Variants in NRF1 observed in about 807,000 individuals in gnomAD.
The protein encoded by NRF1 is alpha palindromic-binding protein.
A neutral mutation model predicts 58.5 loss-of-function variants in NRF1; 5 were observed. The ratio of observed to expected loss-of-function variants is 0.09; its 90% CI spans 0.04 to 0.18. NRF1 has a LOEUF of 0.18. Among genes scored for constraint, NRF1 ranks in the 10% least tolerant of loss-of-function variants. NRF1 has a pLI of 1.00. For missense variants in NRF1, 288 were observed against 657.7 expected (o/e 0.44, Z 6.15); for synonymous variants, 224 against 246.7 (o/e 0.91, Z 0.86).
At chr7:129,626,623 T>C (rs1160688404) in intron 1 of NRF1, among the ~76,000 whole-genome samples, 3 of 152,240 alleles carry the variant, frequency 2.0e-5, no homozygotes, top group Non-Finnish European at 4.4e-5. Context: ...TTAATGTTAC[T>C]GGGTGACTTA....
At chr7:129,742,246 C>T (rs1803861056) in intron 10 of NRF1, among the ~76,000 whole-genome samples, 1 of 145,726 alleles carries the variant, frequency 6.9e-6, no homozygotes, top group South Asian at 2.2e-4. Context: ...TTTTCAGAGC[C>T]TAAATGGGAT....
At chr7:129,649,626 T>G (rs1562959492) in intron 1 of NRF1, among the ~76,000 whole-genome samples, 1 of 152,148 alleles carries the variant, frequency 6.6e-6, no homozygotes, top group Non-Finnish European at 1.5e-5. Context: ...CAAGACAATC[T>G]TTTTCTGTGT....
chr7:129,656,505 C>G (rs1801659129), intron 1 of NRF1, among the ~76,000 whole-genome samples: 1 of 151,912 alleles, frequency 6.6e-6, no homozygotes, highest in Non-Finnish European at 1.5e-5. Context: ...TTTAACCTTA[C>G]TGCTTTATAC....
chr7:129,743,852 A>G (rs1417202704), intron 10 of NRF1, among the ~76,000 whole-genome samples: 1 of 152,248 alleles, frequency 6.6e-6, no homozygotes, highest in Non-Finnish European at 1.5e-5. Context: ...ATTAGTTTTC[A>G]TATTAGCTTA....
intron 9 of NRF1, among the ~76,000 whole-genome samples, chr7:129,718,694 A>G (rs1803246530): frequency 6.6e-6 from 1 of 152,208 alleles, no homozygotes; most frequent in Non-Finnish European, 1.5e-5. Flanking sequence ...AAAATCAGTG[A>G]AAGTTTAGAT....
intron 10 of NRF1, among the ~76,000 whole-genome samples, chr7:129,731,169 T>C (rs1346570011): frequency 6.7e-6 from 1 of 150,238 alleles, no homozygotes. Context: ...GAATCGGGAG[T>C]TCCAGGCACG....
intron 10 of NRF1, 59 bp from the exon 11 acceptor site, chr7:129,754,959 G>T: frequency 6.8e-7 from 1 of 1,479,970 alleles, no homozygotes; most frequent in Non-Finnish European, 9.0e-7. Context: ...CCCCCGTCCA[G>T]CCAGCATCTG....
rs1036875236 is a variant in NRF1, at chr7:129,705,374, T to G, written c.607-3701T>G. 2.0e-5 allele frequency among the ~76,000 whole-genome samples: 3 copies of G among 152,224 alleles called. No individual in the cohort carries two copies. The South Asian group carries it at 6.2e-4, about 32-fold the overall frequency. The stretch of plus-strand genomic sequence containing the variant: ...TGAGCGATCGTAGCTCACTGCAACC[T>G]CCGCCTCCCGGGATTAAGCGATTCT... On this transcript the variant is annotated intron_variant, in intron 5 of 10. Transcript: ENST00000393232.
intron 2 of NRF1, among the ~76,000 whole-genome samples, chr7:129,669,293 G>A (rs1348350882): frequency 1.3e-5 from 2 of 152,054 alleles, no homozygotes; most frequent in Admixed American, 1.3e-4. Flanking sequence ...TGTATTGAAT[G>A]TATACTTGGA....
At chr7:129,651,124 T>G (rs945523721) in intron 1 of NRF1, among the ~76,000 whole-genome samples, 1 of 152,080 alleles carries the variant, frequency 6.6e-6, no homozygotes, top group Non-Finnish European at 1.5e-5. Flanking sequence ...GTGTGCTGAA[T>G]AAAAATGGTT....
At chr7:129,658,563 CGTGA>C (rs1562962096) in intron 2 of NRF1, among the ~76,000 whole-genome samples, 1 of 144,626 alleles carries the variant, frequency 6.9e-6, no homozygotes, top group East Asian at 2.0e-4. Context: ...TGCACTACAG[CGTGA>C]GTGACAGAGT....
chr7:129,710,322 A>G, intron 6 of NRF1, 52 bp from the exon 7 acceptor site: 2 of 1,570,292 alleles, frequency 1.3e-6, no homozygotes, highest in South Asian at 1.1e-5. Flanking sequence ...TTGGGACTAA[A>G]TAACCAAAGT....
chr7:129,687,276 CT>C (rs34165257), intron 4 of NRF1, among the ~76,000 whole-genome samples: 295 of 137,694 alleles, frequency 2.1e-3, no homozygotes, highest in South Asian at 0.01. Flanking sequence ...GATGCAAGTC[CT>C]TTTTTTTTTT....
intron 10 of NRF1, among the ~76,000 whole-genome samples, chr7:129,743,506 T>C (rs1194822113): frequency 6.6e-6 from 1 of 152,218 alleles, no homozygotes; most frequent in Non-Finnish European, 1.5e-5. Context: ...TGTCTGTGTC[T>C]AGTAGCTACT....
intron 2 of NRF1, among the ~76,000 whole-genome samples, chr7:129,667,013 T>C (rs1801938468): frequency 6.6e-6 from 1 of 152,208 alleles, no homozygotes; most frequent in Non-Finnish European, 1.5e-5. Flanking sequence ...TGTGATATGT[T>C]CTAGTCTGTT....
At chr7:129,659,505 A>C (rs900643450) in intron 2 of NRF1, among the ~76,000 whole-genome samples, 4 of 152,220 alleles carry the variant, frequency 2.6e-5, no homozygotes, top group Non-Finnish European at 5.9e-5. Flanking sequence ...TCTGCTAGTA[A>C]CAAGTTCTAT....
At chr7:129,735,302 C>T (rs761188459) in intron 10 of NRF1, 54 of 894,054 alleles carry the variant, frequency 6.0e-5, no homozygotes, top group Middle Eastern at 5.7e-4. Flanking sequence ...GATGCCGACG[C>T]GGGCGGATCA....
chr7:129,685,728 G>A (rs1305641253), intron 4 of NRF1, among the ~76,000 whole-genome samples: 1 of 152,106 alleles, frequency 6.6e-6, no homozygotes, highest in Non-Finnish European at 1.5e-5. Context: ...GGAATTTAAA[G>A]GAGGAAGAGA....
intron 1 of NRF1, among the ~76,000 whole-genome samples, chr7:129,630,819 A>T (rs1452505852): frequency 6.6e-6 from 1 of 152,148 alleles, no homozygotes; most frequent in Admixed American, 6.5e-5. Flanking sequence ...GAGTATTTTT[A>T]TTTATTCTTT....
Sources: allele counts gnomAD v4.1 joint callset (sites outside exome capture counted in the v4.1 genomes callset), GRCh38; gene constraint gnomAD v4.1.1; transcripts MANE v1.5; gene names NCBI Gene and HGNC (gene_info 2026-07-23, HGNC 2026-07-21).